The following RABGAP1L variants were observed in gnomAD, a reference collection of about 807,000 sequenced individuals.
RABGAP1L encodes rab GTPase-activating protein 1-like.
A neutral mutation model predicts 137.7 loss-of-function variants in RABGAP1L; 63 were observed. The observed-to-expected ratio is 0.46, with a 90% CI of 0.37 to 0.56. The LOEUF (loss-of-function observed/expected upper bound fraction) is 0.56, where lower values mean the gene tolerates loss of function less well. RABGAP1L is among the 20% of genes least tolerant of loss of function. The pLI is 0.00. For synonymous variants in RABGAP1L, 431 were observed against 433.7 expected (o/e 0.99, Z 0.08); for missense variants, 1,095 against 1,244.0 (o/e 0.88, Z 1.80).
chr1:174,325,077 A>G (rs544572447), intron 11 of RABGAP1L, among the ~76,000 whole-genome samples: 73 of 152,186 alleles, frequency 4.8e-4, no homozygotes, highest in Admixed American at 1.2e-3. Context: ...TTAGGGTGTA[A>G]AAGACTTGAG....
chr1:174,379,288 A>G (rs1434849001), intron 12 of RABGAP1L, among the ~76,000 whole-genome samples: 5 of 147,814 alleles, frequency 3.4e-5, no homozygotes, highest in South Asian at 4.3e-4. Flanking sequence ...TTGGTTCCAT[A>G]TGAACTTTAA....
At chr1:174,609,398 A>G (rs1486539227) in intron 13 of RABGAP1L, among the ~76,000 whole-genome samples, 1 of 152,198 alleles carries the variant, frequency 6.6e-6, no homozygotes, top group Non-Finnish European at 1.5e-5. Flanking sequence ...CATGAGAGTC[A>G]ATTAGGAAAA....
chr1:174,330,066 A>G (rs903658424), intron 11 of RABGAP1L, among the ~76,000 whole-genome samples: 1 of 152,190 alleles, frequency 6.6e-6, no homozygotes, highest in Non-Finnish European at 1.5e-5. Context: ...GTTAAGCAAG[A>G]GAAAGAAATA....
chr1:174,462,001 T>C (rs552401598), intron 13 of RABGAP1L, among the ~76,000 whole-genome samples: 56 of 152,270 alleles, frequency 3.7e-4, no homozygotes, highest in Admixed American at 1.7e-3. Flanking sequence ...GAATGAGAAT[T>C]TTTGTTTTAC....
At chr1:174,804,274 G>GTTTTTTGTTTTTTTTTTTTTTTT (rs1553254975) in intron 18 of RABGAP1L, among the ~76,000 whole-genome samples, 2 of 138,148 alleles carry the variant, frequency 1.4e-5, no homozygotes, top group Non-Finnish European at 3.1e-5. Context: ...GTTTTGTTTT[G>GTTTTTTGTTTTTTTTTTTTTTTT]TTTTTTGTTT....
At chr1:174,692,612 A>T (rs2148501457) in intron 15 of RABGAP1L, among the ~76,000 whole-genome samples, 1 of 152,290 alleles carries the variant, frequency 6.6e-6, no homozygotes, top group Non-Finnish European at 1.5e-5. Flanking sequence ...TTGCTGCTTC[A>T]TGTTATCAAC....
At chr1:174,597,260 C>T (rs1000401185) in intron 13 of RABGAP1L, among the ~76,000 whole-genome samples, 2 of 152,072 alleles carry the variant, frequency 1.3e-5, no homozygotes, top group African/African-American at 4.8e-5. Flanking sequence ...TTCACTCCTC[C>T]ATTATTTTTT....
intron 1 of RABGAP1L, among the ~76,000 whole-genome samples, chr1:174,213,148 G>C (rs769784255): frequency 7.9e-5 from 12 of 152,156 alleles, no homozygotes; most frequent in Admixed American, 5.2e-4. Flanking sequence ...ATTCCAGCTG[G>C]GCATGGTGGC....
chr1:174,903,789 A>G (rs887682220), intron 19 of RABGAP1L, among the ~76,000 whole-genome samples: 2 of 151,938 alleles, frequency 1.3e-5, no homozygotes, highest in Admixed American at 1.3e-4. Context: ...CATCCCTACT[A>G]AAAATACAAA....
intron 14 of RABGAP1L, among the ~76,000 whole-genome samples, chr1:174,639,107 C>A (rs116052351): frequency 8.6e-5 from 13 of 151,396 alleles, no homozygotes; most frequent in Admixed American, 6.6e-4. Flanking sequence ...GCAAATGGCA[C>A]GACTTTCATT....
intron 21 of RABGAP1L, among the ~76,000 whole-genome samples, chr1:174,970,552 A>G (rs1268983050): frequency 6.6e-6 from 1 of 152,232 alleles, no homozygotes; most frequent in African/African-American, 2.4e-5. Flanking sequence ...CAATAATAAA[A>G]TTAAATTTTA....
At chr1:174,732,194 T>TC (rs570408358) in intron 17 of RABGAP1L, among the ~76,000 whole-genome samples, 6,882 of 102,828 alleles carry the variant, frequency 0.067, 200 homozygotes, top group African/African-American at 0.15. Context: ...TGAGACCCCA[T>TC]CCCCCCCAAA....
At chr1:174,330,585 T>TAAACAAAC (rs35691938) in intron 11 of RABGAP1L, among the ~76,000 whole-genome samples, 13 of 151,364 alleles carry the variant, frequency 8.6e-5, no homozygotes, top group African/African-American at 2.9e-4. Context: ...ACTCTGTCTT[T>TAAACAAAC]AAACAAACAA....
At chr1:174,285,602 C>T (rs1370624392) in intron 10 of RABGAP1L, among the ~76,000 whole-genome samples, 1 of 149,250 alleles carries the variant, frequency 6.7e-6, no homozygotes, top group East Asian at 2.0e-4. Context: ...TTTTTCATTT[C>T]CAATTTGGAT....
intron 19 of RABGAP1L, among the ~76,000 whole-genome samples, chr1:174,863,719 C>T (rs1163689256): frequency 2.0e-5 from 3 of 148,706 alleles, no homozygotes; most frequent in Non-Finnish European, 3.0e-5. Flanking sequence ...CAGTGGCTCA[C>T]ACCTGTAATC....
chr1:174,899,940 G>A (rs1657870383), intron 19 of RABGAP1L, among the ~76,000 whole-genome samples: 1 of 151,818 alleles, frequency 6.6e-6, no homozygotes, highest in Admixed American at 6.6e-5. Flanking sequence ...ATGTTTGGGG[G>A]GGTAGAATAA....
intron 10 of RABGAP1L, among the ~76,000 whole-genome samples, chr1:174,279,892 T>G (rs911037698): frequency 6.6e-6 from 1 of 152,114 alleles, no homozygotes; most frequent in African/African-American, 2.4e-5. Context: ...AAAGAATTAT[T>G]CATAGTTGCA....
chr1:174,821,018 A>G (rs1690966682), intron 19 of RABGAP1L, among the ~76,000 whole-genome samples: 1 of 15,630 alleles, frequency 6.4e-5, no homozygotes, highest in Non-Finnish European at 7.1e-4. Flanking sequence ...CTCCATCTCA[A>G]AAAGAAAAAA....
At chr1:174,896,711 T>G (rs1321770085) in intron 19 of RABGAP1L, among the ~76,000 whole-genome samples, 1 of 152,134 alleles carries the variant, frequency 6.6e-6, no homozygotes, top group Non-Finnish European at 1.5e-5. Flanking sequence ...TTTCCCCATT[T>G]CTTGTTTTTG....
Sources: allele counts gnomAD v4.1 joint callset (sites outside exome capture counted in the v4.1 genomes callset), GRCh38; gene constraint gnomAD v4.1.1; transcripts MANE v1.5; gene names NCBI Gene and HGNC (gene_info 2026-07-23, HGNC 2026-07-21).